The following POC1A variants were observed in gnomAD, a reference collection of about 807,000 sequenced individuals.
POC1A encodes POC1 centriolar protein homolog A.
A neutral mutation model predicts 47.8 loss-of-function variants in POC1A; 34 were observed. The observed-to-expected ratio is 0.71, with a 90% CI of 0.54 to 0.95. POC1A has a LOEUF of 0.95. Among genes scored for constraint, POC1A ranks in the 40% least tolerant of loss-of-function variants. POC1A has a pLI of 0.00. For synonymous variants in POC1A, 177 were observed against 207.6 expected, an observed-to-expected ratio of 0.85 and a Z score of 1.27; for missense variants, 466 against 528.3, an observed-to-expected ratio of 0.88 and a Z score of 1.16.
At chr3:52,082,988 T>A (rs2106931929) in intron 10 of POC1A, among the ~76,000 whole-genome samples, 1 of 152,306 alleles carries the variant, frequency 6.6e-6, no homozygotes, top group African/African-American at 2.4e-5. Context: ...TGAGCCCAGA[T>A]GCCGTATCAT....
At chr3:52,112,746 C>T (rs746280790) in intron 9 of POC1A, among the ~76,000 whole-genome samples, 25 of 152,270 alleles carry the variant, frequency 1.6e-4, no homozygotes, top group African/African-American at 2.9e-4. Flanking sequence ...CTGCGAGGGA[C>T]ACTGATTTTC....
chr3:52,146,307 G>T (rs953007241), intron 5 of POC1A, among the ~76,000 whole-genome samples: 1 of 152,254 alleles, frequency 6.6e-6, no homozygotes, highest in Admixed American at 6.5e-5. Context: ...GGTGGCTGCA[G>T]GGCAGATCCT....
chr3:52,147,663 C>A (rs1698413302), intron 4 of POC1A, among the ~76,000 whole-genome samples: 1 of 152,056 alleles, frequency 6.6e-6, no homozygotes, highest in Non-Finnish European at 1.5e-5. Flanking sequence ...GGCTGGTCCT[C>A]TAACTCCTGG....
intron 10 of POC1A, among the ~76,000 whole-genome samples, chr3:52,083,471 T>A (rs1353512541): frequency 6.6e-6 from 1 of 152,158 alleles, no homozygotes; most frequent in Non-Finnish European, 1.5e-5. Context: ...GCTTTTCCTT[T>A]GTCCCTCCTT....
In POC1A at chr3:52,106,649, C is replaced by T. The variant is rs368756110; in HGVS notation, c.982-9937G>A. Reference sequence around the variant, plus strand: ...GAACCAGGACCACAGACCATCTCCCCGTCCCCTCTCAGAAAGTGGTCCCTT... The same window carrying T: ...GAACCAGGACCACAGACCATCTCCCTGTCCCCTCTCAGAAAGTGGTCCCTT... On this transcript the variant is annotated intron_variant, in intron 9 of 10. Coordinates refer to ENST00000296484, the MANE Select transcript of POC1A (RefSeq NM_015426.5). 7.3e-4 allele frequency among the ~76,000 whole-genome samples: 111 copies of T among 152,262 alleles called. 1 individual carries two copies. In the Middle Eastern group the frequency reaches 0.02, roughly 28 times the overall value.
At position 52,079,027 on chromosome 3, in the gene POC1A, C is replaced by T. The variant is rs1041149148; in HGVS notation, c.1126-3042G>A. On this transcript the variant is annotated intron_variant, in intron 10 of 10. Transcript: ENST00000296484. The surrounding 1 kb of genome is among the most constrained non-coding windows in gnomAD (Gnocchi z 4.6). ...AGGCCATCACAGTGCCACCGTGCTTCCCCAGCTGCACGGGAGCTGTGGGAG... is the reference window on the plus strand; with the variant it reads ...AGGCCATCACAGTGCCACCGTGCTTTCCCAGCTGCACGGGAGCTGTGGGAG... Among the ~76,000 whole-genome samples, 3 of 152,228 alleles carry T rather than the reference C, an allele frequency of 2.0e-5. No individual in the cohort carries two copies. The South Asian group carries it at 6.2e-4, about 32-fold the overall frequency.
At position 52,149,868 on chromosome 3, in the gene POC1A, G is replaced by T. The variant is rs1476568624; in HGVS notation, c.223C>A (p.Leu75Met). 1 of 1,613,884 alleles carries T rather than the reference G, an allele frequency of 6.2e-7. No individual in the cohort carries two copies. Among genetic ancestry groups the T allele is most frequent in the African/African-American group, 1.3e-5 (1 of 74,956 alleles). ...TCVNFSPSGH[L>M]LASGSRDKTV... ...TTGTCTCGGGAGCCGGAAGCAAGCA[G>T]GTGTCCCGAAGGAGAGAAGTTCACA... Residue 75 changes from leucine to methionine, a missense_variant, in exon 3 of 11, where the codon CTG becomes ATG. Coordinates refer to ENST00000296484, the MANE Select transcript of POC1A (RefSeq NM_015426.5).
intron 8 of POC1A, among the ~76,000 whole-genome samples, chr3:52,124,561 G>A (rs1005343784): frequency 6.6e-6 from 1 of 152,190 alleles, no homozygotes; most frequent in African/African-American, 2.4e-5. Flanking sequence ...ACAGAGCAGA[G>A]GCTCCCAGGG....
rs565950848 is a variant in POC1A at position 52,118,793 on chromosome 3, A to G, written c.981+3586T>C. On this transcript the variant is annotated intron_variant, in intron 9 of 10. Transcript: ENST00000296484. ...GGCCTGAGGCCCAGGGTGCAGACAG[A>G]GCTGATGTAGGCAGAGGATCATTAG... Among the ~76,000 whole-genome samples, 4 of 152,310 alleles carry G rather than the reference A, an allele frequency of 2.6e-5. No homozygotes were observed. In the East Asian group the frequency reaches 7.7e-4, roughly 29 times the overall value.
intron 9 of POC1A, among the ~76,000 whole-genome samples, chr3:52,101,941 TA>T (rs1703019355): frequency 6.6e-6 from 1 of 152,258 alleles, no homozygotes; most frequent in East Asian, 1.9e-4. Context: ...TTTCAAACTT[TA>T]AAGATGTTAC....
At chr3:52,120,253 A>T (rs201030839) in intron 9 of POC1A, among the ~76,000 whole-genome samples, 3 of 388 alleles carry the variant, frequency 7.7e-3, no homozygotes, top group East Asian at 0.5. Flanking sequence ...ACTTTGTGTT[A>T]TATATATATA....
rs1199260600 is a variant in POC1A at position 52,078,729 on chromosome 3, G to T, written c.1126-2744C>A. Among the ~76,000 whole-genome samples the T allele has an allele frequency of 3.9e-5, 6 of 152,248 alleles. No individual in the cohort carries two copies. In the East Asian group the frequency reaches 1.2e-3, roughly 29 times the overall value. ...GGTTTCACCGTGGTCTCGATCTCCT[G>T]ACCTCGTGATCCGCCCGGCTCAGCC... On this transcript the variant is annotated intron_variant, in intron 10 of 10. Coordinates refer to ENST00000296484, the MANE Select transcript of POC1A (RefSeq NM_015426.5).
intron 7 of POC1A, among the ~76,000 whole-genome samples, chr3:52,126,697 G>A (rs927832815): frequency 6.6e-6 from 1 of 152,244 alleles, no homozygotes; most frequent in African/African-American, 2.4e-5. Context: ...TCGGGGGCCA[G>A]CATCTGGCAA....
intron 9 of POC1A, among the ~76,000 whole-genome samples, chr3:52,112,204 A>G (rs1285218103): frequency 6.6e-6 from 1 of 152,158 alleles, no homozygotes. Context: ...CCCAGGCTGA[A>G]GTGCGGTGGT....
At chr3:52,122,788 G>A (rs1004059872) in intron 8 of POC1A, among the ~76,000 whole-genome samples, 6 of 152,346 alleles carry the variant, frequency 3.9e-5, no homozygotes, top group Admixed American at 6.5e-5. Flanking sequence ...TGGCTGCTTC[G>A]CAGGCTGAAG....
intron 1 of POC1A, among the ~76,000 whole-genome samples, chr3:52,153,652 C>T (rs1698626502): frequency 6.6e-6 from 1 of 152,252 alleles, no homozygotes; most frequent in African/African-American, 2.4e-5. Flanking sequence ...CACCGCCTCC[C>T]CTCTGTAGTT....
intron 10 of POC1A, among the ~76,000 whole-genome samples, chr3:52,095,872 T>C (rs1702796401): frequency 6.6e-6 from 1 of 152,238 alleles, no homozygotes; most frequent in Non-Finnish European, 1.5e-5. Flanking sequence ...TCAAGGGATT[T>C]TGCTCTTACT....
chr3:52,153,941 C>A (rs1698636732), intron 1 of POC1A, among the ~76,000 whole-genome samples: 1 of 152,250 alleles, frequency 6.6e-6, no homozygotes, highest in Non-Finnish European at 1.5e-5. Context: ...CACTGCAGGC[C>A]CGGGCATCCC....
chr3:52,122,671 G>C (rs1209343266), intron 8 of POC1A, among the ~76,000 whole-genome samples, 194 bp from the exon 9 acceptor site: 1 of 152,222 alleles, frequency 6.6e-6, no homozygotes, highest in Non-Finnish European at 1.5e-5. Flanking sequence ...CAGGCCTCAA[G>C]AGGACCTGGA....
Sources: gnomAD v4.1 joint callset for allele counts (sites outside exome capture counted in the v4.1 genomes callset) on GRCh38, gnomAD v4.1.1 for gene constraint, Gnocchi (gnomAD v3.1) non-coding constraint, MANE v1.5 for transcripts, NCBI Gene and HGNC (gene_info 2026-07-23, HGNC 2026-07-21) for gene names.